NSRP1: variants seen among roughly 807,000 people sequenced by gnomAD.
NSRP1 encodes the protein nuclear speckle splicing regulatory protein 1, also known as coiled-coil domain containing 55.
A neutral mutation model predicts 54.7 loss-of-function variants in NSRP1; 24 were observed. The observed-to-expected ratio is 0.44, with a 90% CI of 0.32 to 0.62. The LOEUF is 0.62. Among genes scored for constraint, NSRP1 ranks in the 20% least tolerant of loss-of-function variants. The pLI is 0.06. For synonymous variants in NSRP1, 210 were observed against 213.8 expected, an observed-to-expected ratio of 0.98 and a Z score of 0.15; for missense variants, 596 against 651.2, an observed-to-expected ratio of 0.92 and a Z score of 0.92.
chr17:30,165,288 G>A (rs1025081210), intron 2 of NSRP1, among the ~76,000 whole-genome samples: 1 of 151,996 alleles, frequency 6.6e-6, no homozygotes, highest in African/African-American at 2.4e-5. Flanking sequence ...GTTATAAAAT[G>A]GCATAGGACT....
At chr17:30,117,828 A>G (rs971326385) in intron 1 of NSRP1, 9 of 341,128 alleles carry the variant, frequency 2.6e-5, no homozygotes, top group Non-Finnish European at 4.7e-5. Context: ...CTTTTCATTT[A>G]CTTCTCTTCT....
chr17:30,160,010 G>A (rs1904453771), intron 2 of NSRP1, among the ~76,000 whole-genome samples: 1 of 152,226 alleles, frequency 6.6e-6, no homozygotes, highest in East Asian at 1.9e-4. Context: ...TTATCATGAA[G>A]GGATGTTGAG....
chr17:30,175,217 T>C (rs1299124577), intron 3 of NSRP1, among the ~76,000 whole-genome samples: 1 of 152,188 alleles, frequency 6.6e-6, no homozygotes, highest in Non-Finnish European at 1.5e-5. Flanking sequence ...AGTACTTCTG[T>C]AGCTGTATCT....
At chr17:30,143,196 A>G (rs1461905016) in intron 2 of NSRP1, among the ~76,000 whole-genome samples, 1 of 152,212 alleles carries the variant, frequency 6.6e-6, no homozygotes, top group Non-Finnish European at 1.5e-5. Context: ...ATGTTGTCAG[A>G]CAGAAAGCAA....
At chr17:30,184,314 G>T (rs1206487190) in intron 6 of NSRP1, among the ~76,000 whole-genome samples, 1 of 152,152 alleles carries the variant, frequency 6.6e-6, no homozygotes, top group Non-Finnish European at 1.5e-5. Flanking sequence ...TTTGTCTTAG[G>T]CTTACCAAAA....
intron 2 of NSRP1, among the ~76,000 whole-genome samples, chr17:30,171,934 T>TCACACACA (rs746244255): frequency 0.012 from 1,403 of 113,384 alleles, 12 homozygotes; most frequent in African/African-American, 0.021. Context: ...TCCCCATTTC[T>TCACACACA]CACACACACA....
At chr17:30,171,963 C>CAT (rs1567804314) in intron 2 of NSRP1, among the ~76,000 whole-genome samples, 1 of 136,890 alleles carries the variant, frequency 7.3e-6, no homozygotes, top group African/African-American at 2.8e-5. Flanking sequence ...CACACACACA[C>CAT]ACACACACAC....
At chr17:30,149,249 T>G (rs1487435727) in intron 2 of NSRP1, among the ~76,000 whole-genome samples, 1 of 152,220 alleles carries the variant, frequency 6.6e-6, no homozygotes, top group Non-Finnish European at 1.5e-5. Context: ...GGGGTCTTGC[T>G]GTGTTGTCCG....
chr17:30,170,567 A>G (rs879778041), intron 2 of NSRP1, among the ~76,000 whole-genome samples: 4 of 152,132 alleles, frequency 2.6e-5, no homozygotes, highest in Admixed American at 6.5e-5. Context: ...CTTACCATGT[A>G]GCATAATGTC....
chr17:30,119,566 G>A (rs879643956), intron 2 of NSRP1, among the ~76,000 whole-genome samples: 5 of 150,440 alleles, frequency 3.3e-5, no homozygotes, highest in Non-Finnish European at 5.9e-5. Flanking sequence ...GCAGTGGTGC[G>A]ATCTCAGCTC....
At chr17:30,118,278 G>T in intron 2 of NSRP1, 105 bp downstream of exon 2, 1 of 750,610 alleles carries the variant, frequency 1.3e-6, no homozygotes. Context: ...TCAGTACAGT[G>T]GAGTATAATT....
At chr17:30,159,687 C>T (rs936096993) in intron 2 of NSRP1, among the ~76,000 whole-genome samples, 8 of 151,972 alleles carry the variant, frequency 5.3e-5, no homozygotes, top group Non-Finnish European at 1.2e-4. Flanking sequence ...GAGATGAAGT[C>T]TCACTCTGTT....
intron 2 of NSRP1, among the ~76,000 whole-genome samples, chr17:30,164,635 A>G (rs144519328): frequency 6.6e-6 from 1 of 152,140 alleles, no homozygotes; most frequent in Non-Finnish European, 1.5e-5. Context: ...TGTCTCTACA[A>G]AAAAATAAAA....
chr17:30,144,930 A>G (rs1047416184), intron 2 of NSRP1: 1 of 152,066 alleles, frequency 6.6e-6, no homozygotes, highest in Non-Finnish European at 1.5e-5. Context: ...ATATGTGCTG[A>G]TGTGTTTGAC....
chr17:30,158,471 G>A (rs1904394677), intron 2 of NSRP1, among the ~76,000 whole-genome samples: 1 of 151,984 alleles, frequency 6.6e-6, no homozygotes, highest in Non-Finnish European at 1.5e-5. Flanking sequence ...GTTTAATACA[G>A]TCCCATTTAT....
At chr17:30,123,930 A>G (rs2071626680) in intron 2 of NSRP1, among the ~76,000 whole-genome samples, 1 of 152,158 alleles carries the variant, frequency 6.6e-6, no homozygotes, top group East Asian at 1.9e-4. Flanking sequence ...GAAGGATTGG[A>G]CATGCTTATC....
chr17:30,171,447 A>G (rs1904930081), intron 2 of NSRP1, among the ~76,000 whole-genome samples: 2 of 150,844 alleles, frequency 1.3e-5, no homozygotes, highest in South Asian at 4.2e-4. Flanking sequence ...CTGGGATTAC[A>G]GCTGTGCTCC....
chr17:30,164,798 A>C (rs1382936474), intron 2 of NSRP1, among the ~76,000 whole-genome samples: 3 of 151,272 alleles, frequency 2.0e-5, no homozygotes, highest in Non-Finnish European at 4.4e-5. Context: ...ACCCTGTCTC[A>C]AAAAAAAAGA....
At chr17:30,172,265 A>G (rs184174548) in intron 2 of NSRP1, among the ~76,000 whole-genome samples, 224 of 152,294 alleles carry the variant, frequency 1.5e-3, no homozygotes, top group African/African-American at 5.3e-3. Context: ...ACCATTGCCA[A>G]CCAGAAAACA....
Sources: allele counts gnomAD v4.1 joint callset (sites outside exome capture counted in the v4.1 genomes callset), GRCh38; gene constraint gnomAD v4.1.1; transcripts MANE v1.5; gene names NCBI Gene and HGNC (gene_info 2026-07-23, HGNC 2026-07-21).